FGF12: variants seen among roughly 807,000 people sequenced by gnomAD.
The protein encoded by FGF12 is fibroblast growth factor 12.
FGF12 carries 14 observed loss-of-function variants against 23.6 expected under a neutral mutation model. The observed-to-expected ratio is 0.59, with a 90% CI of 0.39 to 0.93. The LOEUF is 0.93. FGF12 is among the 40% of genes least tolerant of loss of function. FGF12 has a pLI of 0.00. For synonymous variants in FGF12, 62 were observed against 77.3 expected (o/e 0.80, Z 1.04); for missense variants, 175 against 217.8 (o/e 0.80, Z 1.24).
chr3:192,468,103 A>C (rs914930930), intron 2 of FGF12, among the ~76,000 whole-genome samples: 1 of 151,648 alleles, frequency 6.6e-6, no homozygotes, highest in African/African-American at 2.4e-5. Flanking sequence ...ATGAATACAT[A>C]AGAGACATGG....
At chr3:192,413,238 AT>A (rs1721251209) in intron 2 of FGF12, among the ~76,000 whole-genome samples, 1 of 152,216 alleles carries the variant, frequency 6.6e-6, no homozygotes, top group African/African-American at 2.4e-5. Flanking sequence ...TAAACATTGC[AT>A]TGTCCACAGA....
At chr3:192,253,455 A>C (rs1310875888) in intron 4 of FGF12, among the ~76,000 whole-genome samples, 1 of 152,132 alleles carries the variant, frequency 6.6e-6, no homozygotes, top group Non-Finnish European at 1.5e-5. Context: ...AACAAAAGTA[A>C]GAAAGAATGA....
chr3:192,692,792 C>CA (rs1717985183), intron 2 of FGF12, among the ~76,000 whole-genome samples: 1 of 150,130 alleles, frequency 6.7e-6, no homozygotes, highest in African/African-American at 2.5e-5. Flanking sequence ...TAAAAACTCA[C>CA]AAAAAATAGG....
intron 4 of FGF12, among the ~76,000 whole-genome samples, chr3:192,280,557 C>T (rs1427869638): frequency 6.6e-6 from 1 of 152,124 alleles, no homozygotes; most frequent in East Asian, 1.9e-4. Flanking sequence ...TTTATAGTAT[C>T]TGACATGATT....
rs57694464 is a variant in FGF12, at chr3:192,342,228, T to C, written c.125-6764A>G. ...TAGGAGTAGTTTCTCCTTACACATG[T>C]TTATTCATAACTTTTCTCAGTCATA... On this transcript the variant is annotated intron_variant, in intron 3 of 5. Coordinates refer to ENST00000445105, the MANE Select transcript of FGF12 (RefSeq NM_004113.6). 8.7e-3 allele frequency among the ~76,000 whole-genome samples: 1,330 copies of C among 152,314 alleles called. 17 individuals are homozygous for C. Among genetic ancestry groups the C allele is most frequent in the African/African-American group, 0.03 (1,258 of 41,568 alleles).
At chr3:192,210,222 GCTGAGGAAACAGAAA>G (rs1717859383) in intron 4 of FGF12, among the ~76,000 whole-genome samples, 1 of 152,222 alleles carries the variant, frequency 6.6e-6, no homozygotes, top group Admixed American at 6.5e-5. Context: ...GATTCACTGA[GCTGAGGAAACAGAAA>G]CTGGATTTCA....
chr3:192,616,026 T>G (rs1279141007), intron 2 of FGF12, among the ~76,000 whole-genome samples: 1 of 151,986 alleles, frequency 6.6e-6, no homozygotes, highest in African/African-American at 2.4e-5. Flanking sequence ...AATTATTAGT[T>G]TTATGCTTAC....
chr3:192,183,138 G>A (rs1260014855), intron 4 of FGF12, among the ~76,000 whole-genome samples: 2 of 152,164 alleles, frequency 1.3e-5, no homozygotes, highest in East Asian at 1.9e-4. Context: ...ATATTGATGT[G>A]AGTACAGCAG....
intron 2 of FGF12, among the ~76,000 whole-genome samples, chr3:192,707,623 G>A (rs1249300764): frequency 1.3e-5 from 2 of 151,358 alleles, no homozygotes; most frequent in Non-Finnish European, 2.9e-5. Context: ...GCAGGTGCCT[G>A]TAATCCCAGC....
At chr3:192,306,828 C>T (rs1715675905) in intron 4 of FGF12, among the ~76,000 whole-genome samples, 1 of 152,144 alleles carries the variant, frequency 6.6e-6, no homozygotes, top group Admixed American at 6.5e-5. Flanking sequence ...TTAAAAGGTC[C>T]AGCCTGTCCA....
intron 5 of FGF12, among the ~76,000 whole-genome samples, chr3:192,155,913 C>T (rs932751775): frequency 2.6e-5 from 4 of 152,112 alleles, no homozygotes; most frequent in Non-Finnish European, 5.9e-5. Flanking sequence ...TTATTATTAA[C>T]CAGAAAGATT....
chr3:192,269,403 G>A (rs986153600), intron 4 of FGF12, among the ~76,000 whole-genome samples: 8 of 152,186 alleles, frequency 5.3e-5, no homozygotes, highest in South Asian at 2.1e-4. Flanking sequence ...TTTGTTGATC[G>A]TATACACAGT....
chr3:192,419,293 T>C (rs896096153), intron 2 of FGF12, among the ~76,000 whole-genome samples: 3 of 152,154 alleles, frequency 2.0e-5, no homozygotes, highest in Non-Finnish European at 4.4e-5. Context: ...TTGTTCCTTG[T>C]TGATCATGAC....
At chr3:192,420,294 G>A (rs3108299) in intron 2 of FGF12, among the ~76,000 whole-genome samples, 60,807 of 151,980 alleles carry the variant, frequency 0.4, 12,542 homozygotes, top group East Asian at 0.6. Flanking sequence ...TAGAGAGTGT[G>A]AAAAGGAAAT....
chr3:192,498,015 A>G (rs1489083207), intron 2 of FGF12, among the ~76,000 whole-genome samples: 1 of 152,094 alleles, frequency 6.6e-6, no homozygotes, highest in Admixed American at 6.5e-5. Context: ...GAGCAAATTC[A>G]TCAGCCTGAA....
At chr3:192,252,459 T>C (rs1341039993) in intron 4 of FGF12, among the ~76,000 whole-genome samples, 1 of 47,676 alleles carries the variant, frequency 2.1e-5, no homozygotes, top group Non-Finnish European at 3.3e-5. Flanking sequence ...TGAGAATCTG[T>C]CTCAAAAAAA....
chr3:192,618,983 TA>T lies in FGF12; in HGVS notation c.13+108197del, dbSNP rs143390676. ...ATGTTAACCACTTAAAATAAGCCTA[TA>T]AAAAATATATATATGTCAATATATA... On this transcript the variant is annotated intron_variant, in intron 2 of 5. Transcript: ENST00000445105. 7.1e-4 allele frequency among the ~76,000 whole-genome samples: 107 copies of T among 151,720 alleles called. 1 individual carries two copies. In the East Asian group the frequency reaches 0.015, roughly 21 times the overall value.
At chr3:192,550,566 A>T (rs931937009) in intron 2 of FGF12, among the ~76,000 whole-genome samples, 2 of 151,942 alleles carry the variant, frequency 1.3e-5, no homozygotes, top group African/African-American at 4.8e-5. Flanking sequence ...GTAGTATGTC[A>T]AGTTTGCTAA....
intron 2 of FGF12, among the ~76,000 whole-genome samples, chr3:192,657,022 A>G (rs1413096669): frequency 6.6e-6 from 1 of 152,214 alleles, no homozygotes; most frequent in Non-Finnish European, 1.5e-5. Context: ...AGAGGTCCCC[A>G]GTACATATCA....
Sources: allele counts gnomAD v4.1 joint callset (sites outside exome capture counted in the v4.1 genomes callset), GRCh38; gene constraint gnomAD v4.1.1; transcripts MANE v1.5; gene names NCBI Gene and HGNC (gene_info 2026-07-23, HGNC 2026-07-21).